ERC2: variants seen among roughly 807,000 people sequenced by gnomAD.
The protein encoded by ERC2 is ERC protein 2.
ERC2 carries 42 observed loss-of-function variants against 114.8 expected under a neutral mutation model. The observed-to-expected ratio is 0.37, with a 90% CI of 0.29 to 0.47. The LOEUF (loss-of-function observed/expected upper bound fraction) is 0.47. Among genes scored for constraint, ERC2 ranks in the 20% least tolerant of loss-of-function variants. The probability of loss-of-function intolerance (pLI) is 0.99; values close to 1 mark genes in which losing one functional copy is unlikely to be tolerated. For missense variants in ERC2, 939 were observed against 1,150.7 expected (o/e 0.82, Z 2.66); for synonymous variants, 454 against 425.5 (o/e 1.07, Z -0.82).
At chr3:55,784,274 T>C (rs1338318401) in intron 14 of ERC2, among the ~76,000 whole-genome samples, 2 of 152,204 alleles carry the variant, frequency 1.3e-5, no homozygotes, top group Admixed American at 1.3e-4. Context: ...GAATGAAGAC[T>C]GTGAGAGAAA....
intron 14 of ERC2, among the ~76,000 whole-genome samples, chr3:55,830,447 C>T (rs534761077): frequency 2.7e-4 from 41 of 152,240 alleles, no homozygotes; most frequent in East Asian, 1.2e-3. Context: ...CTTCAAACTA[C>T]GTATGATTGC....
At chr3:56,234,369 G>C (rs2050809467) in intron 3 of ERC2, among the ~76,000 whole-genome samples, 1 of 152,176 alleles carries the variant, frequency 6.6e-6, no homozygotes, top group African/African-American at 2.4e-5. Flanking sequence ...TCCCTTCAGT[G>C]GGTTTTTTTA....
chr3:56,282,048 G>A (rs1350325299), intron 3 of ERC2, among the ~76,000 whole-genome samples: 1 of 152,166 alleles, frequency 6.6e-6, no homozygotes, highest in Admixed American at 6.5e-5. Flanking sequence ...GCTGAGCCAA[G>A]CCTGTGCAAA....
chr3:55,651,540 G>C (rs1347583708), intron 17 of ERC2, among the ~76,000 whole-genome samples: 2 of 152,094 alleles, frequency 1.3e-5, no homozygotes, highest in Non-Finnish European at 2.9e-5. Context: ...ATCTTGAACT[G>C]GGTCTTTCGC....
Position 56,056,439 on chromosome 3 carries a change from C to T in ERC2, c.1641+24378G>A, listed in dbSNP as rs201169707. 4.2e-4 allele frequency among the ~76,000 whole-genome samples: 64 copies of T among 152,266 alleles called. No homozygotes were observed. In the East Asian group the frequency reaches 0.012, roughly 29 times the overall value. ...AAAGGAAAAGTTACAACTCAGTGGC[C>T]TCTCCACCAACCACCTCAGAAAAGA... On this transcript the variant is annotated intron_variant, in intron 7 of 17. Transcript: ENST00000288221.
intron 17 of ERC2, among the ~76,000 whole-genome samples, chr3:55,597,437 G>A (rs1015625104): frequency 7.1e-6 from 1 of 140,594 alleles, no homozygotes; most frequent in Non-Finnish European, 1.6e-5. Context: ...AAAAAAAAAT[G>A]ATTTTAGAAC....
chr3:55,912,820 A>G (rs1325233216), intron 13 of ERC2, among the ~76,000 whole-genome samples: 1 of 152,236 alleles, frequency 6.6e-6, no homozygotes, highest in Non-Finnish European at 1.5e-5. Flanking sequence ...CATACAGGAA[A>G]GTATGAGAGA....
At chr3:56,326,439 A>G (rs985114009) in intron 2 of ERC2, among the ~76,000 whole-genome samples, 8 of 152,198 alleles carry the variant, frequency 5.3e-5, no homozygotes, top group African/African-American at 1.7e-4. Flanking sequence ...CCACCCAAAC[A>G]TATTGCAATA....
At chr3:56,133,175 C>T (rs1433811530) in intron 6 of ERC2, among the ~76,000 whole-genome samples, 1 of 152,266 alleles carries the variant, frequency 6.6e-6, no homozygotes, top group African/African-American at 2.4e-5. Flanking sequence ...TGGTGGCTCA[C>T]GCCTGTAATC....
chr3:55,908,526 GC>G (rs1335318909), intron 13 of ERC2, among the ~76,000 whole-genome samples: 1 of 152,134 alleles, frequency 6.6e-6, no homozygotes, highest in African/African-American at 2.4e-5. Flanking sequence ...AGAGGGAGAA[GC>G]CTTCCAGGGA....
chr3:56,445,084 A>G (rs2062499496), intron 1 of ERC2, among the ~76,000 whole-genome samples: 1 of 152,178 alleles, frequency 6.6e-6, no homozygotes, highest in African/African-American at 2.4e-5. Flanking sequence ...CCAGATTCTG[A>G]TGCTTCCTTA....
chr3:55,749,635 T>C (rs2066536921), intron 14 of ERC2, among the ~76,000 whole-genome samples: 1 of 152,116 alleles, frequency 6.6e-6, no homozygotes, highest in African/African-American at 2.4e-5. Flanking sequence ...AGCAGGATTC[T>C]AAAAGTAGCC....
intron 14 of ERC2, among the ~76,000 whole-genome samples, chr3:55,756,198 T>C (rs2067048624): frequency 6.6e-6 from 1 of 152,182 alleles, no homozygotes; most frequent in Non-Finnish European, 1.5e-5. Flanking sequence ...GTCACGAAGC[T>C]AAAAAGCCAG....
chr3:56,045,930 A>G (rs2075433264), intron 7 of ERC2, among the ~76,000 whole-genome samples: 1 of 152,186 alleles, frequency 6.6e-6, no homozygotes, highest in Non-Finnish European at 1.5e-5. Flanking sequence ...AATTATTAAA[A>G]TATAAAAATT....
At chr3:55,846,890 T>C (rs892764959) in intron 14 of ERC2, among the ~76,000 whole-genome samples, 1 of 152,170 alleles carries the variant, frequency 6.6e-6, no homozygotes, top group African/African-American at 2.4e-5. Context: ...GTAGGGTAAA[T>C]GGCAAAGCAC....
chr3:55,953,204 CAA>C (rs10575146), intron 12 of ERC2, among the ~76,000 whole-genome samples: 54,759 of 140,368 alleles, frequency 0.39, 10,314 homozygotes, highest in Admixed American at 0.5. Context: ...AACTCCATCT[CAA>C]AAAAAAAAAA....
At chr3:55,734,215 T>C (rs543660039) in intron 15 of ERC2, among the ~76,000 whole-genome samples, 155 of 152,152 alleles carry the variant, frequency 1.0e-3, no homozygotes, top group Middle Eastern at 3.4e-3. Context: ...TTTTTAAAAA[T>C]AGAGTGAAGA....
intron 8 of ERC2, among the ~76,000 whole-genome samples, chr3:56,018,595 C>T (rs993991312): frequency 1.6e-4 from 24 of 152,074 alleles, no homozygotes; most frequent in African/African-American, 5.6e-4. Flanking sequence ...GGAGAAGGGA[C>T]CCTGGGGGCC....
At chr3:56,253,174 G>C (rs2052292882) in intron 3 of ERC2, among the ~76,000 whole-genome samples, 1 of 152,162 alleles carries the variant, frequency 6.6e-6, no homozygotes, top group South Asian at 2.1e-4. Flanking sequence ...TCTGGCTCCA[G>C]AGACCATTCC....
Sources: allele counts gnomAD v4.1 joint callset (sites outside exome capture counted in the v4.1 genomes callset), GRCh38; gene constraint gnomAD v4.1.1; transcripts MANE v1.5; gene names NCBI Gene and HGNC (gene_info 2026-07-23, HGNC 2026-07-21).